ITPK1: variants seen among roughly 807,000 people sequenced by gnomAD.
ITPK1 encodes the protein inositol-tetrakisphosphate 1-kinase.
A neutral mutation model predicts 45.3 loss-of-function variants in ITPK1; 21 were observed. The ratio of observed to expected loss-of-function variants is 0.46; its 90% CI spans 0.33 to 0.67. ITPK1 has a LOEUF of 0.67. ITPK1 is among the 30% of genes least tolerant of loss of function. The pLI, the probability that ITPK1 is intolerant of heterozygous loss-of-function variation, is 0.02. For missense variants in ITPK1, 474 were observed against 573.5 expected (o/e 0.83, Z 1.77); for synonymous variants, 258 against 253.6 (o/e 1.02, Z -0.16).
At chr14:93,021,421 G>C (rs1888453803) in intron 3 of ITPK1, among the ~76,000 whole-genome samples, 2 of 152,122 alleles carry the variant, frequency 1.3e-5, no homozygotes, top group African/African-American at 4.8e-5. Flanking sequence ...GTGAAACCCT[G>C]TCTCTACCAA....
chr14:92,946,414 A>G lies in ITPK1; in HGVS notation c.818T>C (p.Leu273Pro). The change falls in exon 10 of 11, where the codon CTG (leucine) becomes CCG (proline). Residue 273 changes from leucine (L) to proline (P), a missense_variant. By Grantham distance (98) the Leu-to-Pro change is moderately conservative. Transcript: ENST00000267615. ...RELSRALRQA[L>P]GVSLFGIDII... is the part of the protein sequence containing the mutation. ...GTCGATGCCGAAGAGTGACACGCCC[A>G]GTGCCTGCCGCAGGGCCCGGGAGAG... 1 of 1,613,272 alleles carries G rather than the reference A, an allele frequency of 6.2e-7. No individual in the cohort carries two copies. Among genetic ancestry groups the G allele is most frequent in the Non-Finnish European group, 8.5e-7 (1 of 1,179,974 alleles).
intron 4 of ITPK1, among the ~76,000 whole-genome samples, chr14:93,004,593 TGAGA>T (rs918291537): frequency 5.9e-5 from 9 of 151,576 alleles, no homozygotes; most frequent in Admixed American, 3.3e-4. Flanking sequence ...TGTGTGTGTG[TGAGA>T]ATGAGTGTGA....
Position 92,941,263 on chromosome 14 carries a change from C to T in ITPK1, c.*298G>A, listed in dbSNP as rs1887375123. 3 of 1,371,832 alleles carry T rather than the reference C, an allele frequency of 2.2e-6. No individual in the cohort carries two copies. The highest frequency in any genetic ancestry group is 2.8e-6 in the Non-Finnish European group (3 of 1,064,598). 85.0% of individuals were successfully genotyped at this position (1,371,832 alleles called of 1,614,324 possible). On this transcript the variant is annotated 3_prime_UTR_variant, in exon 11 of 11. Transcript: ENST00000267615. ...TGGCATGGCAGCCATACGCACACCCCTCACCTCCCATCCAGACCTAGTGTT... is the reference window on the plus strand; with the variant it reads ...TGGCATGGCAGCCATACGCACACCCTTCACCTCCCATCCAGACCTAGTGTT...
chr14:93,108,486 G>A (rs1446240305), intron 2 of ITPK1, among the ~76,000 whole-genome samples: 2 of 152,208 alleles, frequency 1.3e-5, no homozygotes, highest in Admixed American at 6.5e-5. Flanking sequence ...TAGAAACATT[G>A]ATGCCCATCC....
chr14:93,082,597 C>G (rs2139993327), intron 2 of ITPK1, among the ~76,000 whole-genome samples: 1 of 152,370 alleles, frequency 6.6e-6, no homozygotes. Flanking sequence ...TCTGCCCTGC[C>G]ACCCTGCCTT....
At chr14:93,011,120 G>C (rs934177445) in intron 4 of ITPK1, among the ~76,000 whole-genome samples, 3 of 152,254 alleles carry the variant, frequency 2.0e-5, no homozygotes, top group African/African-American at 7.2e-5. Context: ...TGCCTGTAGG[G>C]AGGTCCAGTG....
Position 92,967,589 on chromosome 14 carries a change from G to A in ITPK1, c.365-4740C>T, listed in dbSNP as rs138938080. ...CCCAAGAGAATGGAAACATATGTCC[G>A]CATAAAATCCTAAAAATGGTTCACA... On this transcript the variant is annotated intron_variant, in intron 5 of 10. Transcript: ENST00000267615. 5.9e-5 allele frequency among the ~76,000 whole-genome samples: 9 copies of A among 152,226 alleles called. No homozygotes were observed. In the East Asian group the frequency reaches 1.2e-3, roughly 20 times the overall value.
At chr14:93,089,914 G>A (rs1454636503) in intron 2 of ITPK1, among the ~76,000 whole-genome samples, 6 of 152,204 alleles carry the variant, frequency 3.9e-5, no homozygotes, top group East Asian at 1.9e-4. Flanking sequence ...GGGCATTAGA[G>A]AGAAATGTCA....
intron 2 of ITPK1, among the ~76,000 whole-genome samples, chr14:93,083,872 C>G (rs902193723): frequency 7.9e-5 from 12 of 152,174 alleles, no homozygotes; most frequent in Non-Finnish European, 1.5e-4. Flanking sequence ...AAGCTGCCCA[C>G]ACCCAGCACT....
chr14:93,100,810 G>C (rs916427543), intron 2 of ITPK1, among the ~76,000 whole-genome samples: 3 of 152,184 alleles, frequency 2.0e-5, no homozygotes, highest in Non-Finnish European at 4.4e-5. Flanking sequence ...CATCACATCT[G>C]TTGGTTAATT....
intron 3 of ITPK1, among the ~76,000 whole-genome samples, chr14:93,041,036 GTGGGGGGAGA>G (rs1306098069): frequency 6.6e-6 from 1 of 152,214 alleles, no homozygotes; most frequent in Non-Finnish European, 1.5e-5. Flanking sequence ...AATACAGAGT[GTGGGGGGAGA>G]TGGTTGGTCT....
intron 9 of ITPK1, among the ~76,000 whole-genome samples, chr14:92,947,951 T>A (rs914893572): frequency 6.6e-6 from 1 of 152,118 alleles, no homozygotes; most frequent in African/African-American, 2.4e-5. Context: ...CCAGCGTGCA[T>A]CCACAGATGA....
At chr14:93,026,566 C>T (rs1431584865) in intron 3 of ITPK1, among the ~76,000 whole-genome samples, 1 of 152,200 alleles carries the variant, frequency 6.6e-6, no homozygotes, top group East Asian at 1.9e-4. Flanking sequence ...TTGGTAATAT[C>T]CATCACAATA....
In ITPK1 at chr14:93,015,545, C is replaced by T. The variant is rs1433047138; in HGVS notation, c.246+1131G>A. 2.6e-5 allele frequency among the ~76,000 whole-genome samples: 4 copies of T among 152,254 alleles called. No homozygotes were observed. The East Asian group carries it at 5.8e-4, about 22-fold the overall frequency. Reference sequence around the variant, plus strand: ...CAGAGGAGCCCGACCATGTTTTTCCCACAGTCTCCAGTCCGATCAAGGAGA... The same window carrying T: ...CAGAGGAGCCCGACCATGTTTTTCCTACAGTCTCCAGTCCGATCAAGGAGA... On this transcript the variant is annotated intron_variant, in intron 4 of 10. Transcript: ENST00000267615.
Position 92,939,671 on chromosome 14 carries a change from C to CG in ITPK1, c.*1889dup. Reference sequence around the variant, plus strand: ...TTACTCGGTATCTGGGCCCTGGACGCGCAAGACCCCGGAGGCCACAAACGG... The same window carrying CG: ...TTACTCGGTATCTGGGCCCTGGACGCGGCAAGACCCCGGAGGCCACAAACGG... On this transcript the variant is annotated 3_prime_UTR_variant, in exon 11 of 11. Coordinates refer to ENST00000267615, the MANE Select transcript of ITPK1 (RefSeq NM_014216.6). 2.0e-6 allele frequency: 2 copies of CG among 985,266 alleles called. No individual in the cohort carries two copies. The highest frequency in any genetic ancestry group is 9.4e-5 in the South Asian group (2 of 21,268). 61.0% of individuals were successfully genotyped at this position (985,266 alleles called of 1,614,324 possible). A position where few individuals can be genotyped will look rare whatever the true frequency, so the allele number is the denominator to read the frequency against.
intron 2 of ITPK1, among the ~76,000 whole-genome samples, chr14:93,102,927 T>C (rs943534817): frequency 6.6e-6 from 1 of 150,694 alleles, no homozygotes; most frequent in African/African-American, 2.4e-5. Flanking sequence ...GGTGAAACCC[T>C]GTCTCTACTA....
intron 5 of ITPK1, among the ~76,000 whole-genome samples, chr14:92,987,293 G>T (rs1305243145): frequency 6.6e-6 from 1 of 152,330 alleles, no homozygotes; most frequent in East Asian, 1.9e-4. Context: ...GCTGGCTTTG[G>T]CTGTGGGGGT....
In ITPK1 at chr14:93,016,925, GA is replaced by G; in HGVS notation, c.121-125del. The G allele has an allele frequency of 7.9e-7, 1 of 1,273,036 alleles. No individual in the cohort carries two copies. Among genetic ancestry groups the G allele is most frequent in the Non-Finnish European group, 1.1e-6 (1 of 920,780 alleles). 78.9% of individuals were successfully genotyped at this position (1,273,036 alleles called of 1,614,324 possible). A position where few individuals can be genotyped will look rare whatever the true frequency, so the allele number is the denominator to read the frequency against. On this transcript the variant is annotated intron_variant, in intron 3 of 10. Transcript: ENST00000267615. This position sits in a 1 kb window ranked among gnomAD's most constrained non-coding sequence, Gnocchi z 5.0. ...TCGAGCCTCCCTGTAGCACTCTGGA[GA>G]TGGGGCAGGAGGAGGGCTGACATGG... is the stretch of plus-strand genomic sequence containing the variant.
chr14:92,982,603 C>G (rs534658375), intron 5 of ITPK1, among the ~76,000 whole-genome samples: 1 of 152,172 alleles, frequency 6.6e-6, no homozygotes, highest in Non-Finnish European at 1.5e-5. Context: ...GATTTCAGCC[C>G]GTGACACCCT....
Sources: allele counts gnomAD v4.1 joint callset (sites outside exome capture counted in the v4.1 genomes callset), GRCh38; gene constraint gnomAD v4.1.1; non-coding constraint Gnocchi (gnomAD v3.1); transcripts MANE v1.5; gene names NCBI Gene and HGNC (gene_info 2026-07-23, HGNC 2026-07-21).